The following COMMD1 variants were observed in gnomAD, a reference collection of about 807,000 sequenced individuals.
The protein encoded by COMMD1 is COMM domain-containing protein 1.
COMMD1 carries 10 observed loss-of-function variants against 17.2 expected under a neutral mutation model. The observed-to-expected ratio is 0.58, with a 90% CI of 0.36 to 0.99. The LOEUF is 0.99. Among genes scored for constraint, COMMD1 ranks in the 50% least tolerant of loss-of-function variants. The pLI, the probability that COMMD1 is intolerant of heterozygous loss-of-function variation, is 0.01. For synonymous variants in COMMD1, 97 were observed against 91.6 expected, an observed-to-expected ratio of 1.06 and a Z score of -0.34; for missense variants, 270 against 231.8, an observed-to-expected ratio of 1.17 and a Z score of -1.07.
chr2:62,001,965 C>T (rs188683195), intron 2 of COMMD1, among the ~76,000 whole-genome samples: 4 of 149,994 alleles, frequency 2.7e-5, no homozygotes, highest in Admixed American at 6.6e-5. Context: ...GTCAGGAGTT[C>T]GAGGCCAACC....
intron 2 of COMMD1, among the ~76,000 whole-genome samples, chr2:62,028,643 CA>C (rs1265707567): frequency 1.5e-4 from 22 of 151,654 alleles, no homozygotes; most frequent in Admixed American, 1.4e-3. Context: ...TTTTTTTCCC[CA>C]AAAGGGTGTT....
chr2:62,021,940 C>T (rs1398054108), intron 2 of COMMD1, among the ~76,000 whole-genome samples: 1 of 152,114 alleles, frequency 6.6e-6, no homozygotes, highest in African/African-American at 2.4e-5. Flanking sequence ...AATGTCTTTT[C>T]ACTTTCTCGA....
At chr2:62,045,282 T>G (rs1280612589) in intron 2 of COMMD1, among the ~76,000 whole-genome samples, 1 of 152,178 alleles carries the variant, frequency 6.6e-6, no homozygotes, top group Non-Finnish European at 1.5e-5. Context: ...GGGGTAGATC[T>G]GAAAAACATC....
At chr2:61,909,975 G>A (rs554814771) in intron 1 of COMMD1, among the ~76,000 whole-genome samples, 2 of 152,300 alleles carry the variant, frequency 1.3e-5, no homozygotes, top group Admixed American at 1.3e-4. Context: ...TACTGGTTCT[G>A]TTTTCTGTTT....
At chr2:62,103,278 C>T (rs1230150649) in intron 2 of COMMD1, among the ~76,000 whole-genome samples, 1 of 152,074 alleles carries the variant, frequency 6.6e-6, no homozygotes, top group Non-Finnish European at 1.5e-5. Context: ...GCCCGGCCTC[C>T]AATCGTATTT....
intron 1 of COMMD1, among the ~76,000 whole-genome samples, chr2:61,998,333 C>T (rs1039926512): frequency 2.0e-5 from 3 of 150,322 alleles, no homozygotes; most frequent in African/African-American, 7.4e-5. Flanking sequence ...TATCTTGGCT[C>T]ACTGCAACCT....
At chr2:61,925,210 A>G (rs1386311053) in intron 1 of COMMD1, among the ~76,000 whole-genome samples, 1 of 151,748 alleles carries the variant, frequency 6.6e-6, no homozygotes. Flanking sequence ...AGAGAGAGTG[A>G]GAGTGAGTCC....
chr2:61,905,901 T>C, intron 1 of COMMD1, 43 bp downstream of exon 1: 2 of 1,602,240 alleles, frequency 1.2e-6, no homozygotes, highest in East Asian at 2.2e-5. Context: ...GCAGAACCCC[T>C]TGGCCGCTGG....
intron 2 of COMMD1, among the ~76,000 whole-genome samples, chr2:62,016,096 G>T (rs1222435140): frequency 6.6e-6 from 1 of 151,970 alleles, no homozygotes; most frequent in African/African-American, 2.4e-5. Flanking sequence ...GCCTCCCAAA[G>T]TGCTGGGATT....
intron 2 of COMMD1, among the ~76,000 whole-genome samples, chr2:62,065,551 C>T (rs1320101533): frequency 6.6e-6 from 1 of 151,876 alleles, no homozygotes; most frequent in East Asian, 1.9e-4. Flanking sequence ...CTCTCCTGGG[C>T]TCAAGCCATC....
intron 1 of COMMD1, among the ~76,000 whole-genome samples, chr2:61,997,858 C>A (rs59504162): frequency 6.6e-6 from 1 of 152,128 alleles, no homozygotes; most frequent in Non-Finnish European, 1.5e-5. Flanking sequence ...TGAGAACTCA[C>A]AAACAAAAAA....
chr2:61,908,322 G>A (rs1290260180), intron 1 of COMMD1, among the ~76,000 whole-genome samples: 1 of 151,754 alleles, frequency 6.6e-6, no homozygotes, highest in Non-Finnish European at 1.5e-5. Flanking sequence ...CACCTCCCGG[G>A]TTTAAGTGAT....
chr2:62,010,560 A>G (rs1447500289), intron 2 of COMMD1, among the ~76,000 whole-genome samples: 1 of 152,162 alleles, frequency 6.6e-6, no homozygotes, highest in Non-Finnish European at 1.5e-5. Flanking sequence ...TAAATGTGTA[A>G]AAGGTATCAA....
rs75585603 is a variant in COMMD1 at position 62,091,132 on chromosome 2, T to G, written c.463-44699T>G. Reference sequence around the variant, plus strand: ...ACAATAGACATGAGCCCGTGTTGGGTAAGAGTACATGTTTGTTCCCATCTT... The same window carrying G: ...ACAATAGACATGAGCCCGTGTTGGGGAAGAGTACATGTTTGTTCCCATCTT... On this transcript the variant is annotated intron_variant, in intron 2 of 2. Transcript: ENST00000311832. Among the ~76,000 whole-genome samples, 453 of 152,282 alleles carry G rather than the reference T, an allele frequency of 3.0e-3. 1 individual carries two copies. The highest frequency in any genetic ancestry group is 0.01 in the African/African-American group (433 of 41,560).
At chr2:62,115,043 A>G (rs556098175) in intron 2 of COMMD1, among the ~76,000 whole-genome samples, 2 of 152,310 alleles carry the variant, frequency 1.3e-5, no homozygotes, top group Admixed American at 6.5e-5. Context: ...ATGGTAAAAA[A>G]TCAGAGGTGT....
chr2:61,966,240 A>G (rs1249043447), intron 1 of COMMD1, among the ~76,000 whole-genome samples: 1 of 152,148 alleles, frequency 6.6e-6, no homozygotes, highest in Non-Finnish European at 1.5e-5. Context: ...TGCCCCTCAT[A>G]GGCCATTACA....
At chr2:62,071,087 A>C (rs1439814471) in intron 2 of COMMD1, among the ~76,000 whole-genome samples, 4 of 152,210 alleles carry the variant, frequency 2.6e-5, no homozygotes, top group Non-Finnish European at 4.4e-5. Context: ...GAGCAGAGGC[A>C]TGGGCTGCTT....
intron 2 of COMMD1, among the ~76,000 whole-genome samples, chr2:62,003,368 G>A (rs1440099654): frequency 8.0e-5 from 12 of 150,852 alleles, no homozygotes; most frequent in Admixed American, 5.9e-4. Flanking sequence ...AGTGAAACCC[G>A]TCTCTACTAA....
chr2:62,132,739 C>G (rs921494574), intron 2 of COMMD1, among the ~76,000 whole-genome samples: 2 of 152,038 alleles, frequency 1.3e-5, no homozygotes, highest in African/African-American at 4.8e-5. Context: ...ATCCCAGCCA[C>G]TCAGGAGGCT....
Sources: allele counts gnomAD v4.1 joint callset (sites outside exome capture counted in the v4.1 genomes callset), GRCh38; gene constraint gnomAD v4.1.1; transcripts MANE v1.5; gene names NCBI Gene and HGNC (gene_info 2026-07-23, HGNC 2026-07-21).